ITGA10: variants seen among roughly 807,000 people sequenced by gnomAD.
The protein encoded by ITGA10 is integrin subunit alpha 10.
Under a neutral mutation model 145.2 loss-of-function variants are expected in ITGA10, and 105 were observed. The observed-to-expected ratio is 0.72, with a 90% CI of 0.62 to 0.85. The LOEUF (loss-of-function observed/expected upper bound fraction) is 0.85, where lower values mean the gene tolerates loss of function less well. Among genes scored for constraint, ITGA10 ranks in the 40% least tolerant of loss-of-function variants. The pLI is 0.00. For synonymous variants in ITGA10, 506 were observed against 557.8 expected (o/e 0.91, Z 1.31); for missense variants, 1,317 against 1,444.5 (o/e 0.91, Z 1.43).
chr1:145,909,770 A>G (rs1263430571), intron 1 of ITGA10, among the ~76,000 whole-genome samples, 193 bp downstream of exon 1: 1 of 149,992 alleles, frequency 6.7e-6, no homozygotes, highest in Non-Finnish European at 1.5e-5. Flanking sequence ...AGCCCCTGCC[A>G]GTCTCAATAT....
Position 145,901,411 on chromosome 1 carries a change from C to T in ITGA10, c.1443+105G>A. 1 of 1,484,844 alleles carries T rather than the reference C, an allele frequency of 6.7e-7. No homozygotes were observed. Among genetic ancestry groups the T allele is most frequent in the Non-Finnish European group, 9.1e-7 (1 of 1,102,042 alleles). 92.0% of individuals were successfully genotyped at this position (1,484,844 alleles called of 1,614,324 possible). ...CTGACAGACTCTGCCAACCAGAATT[C>T]CGCACAGACTTTGGAGGCCTCTCTC... On this transcript the variant is annotated intron_variant, in intron 12 of 29. Transcript: ENST00000369304. The surrounding 1 kb of genome is among the most constrained non-coding windows in gnomAD (Gnocchi z 4.3).
At position 145,897,624 on chromosome 1, in the gene ITGA10, C is replaced by T. The variant is rs587741213; in HGVS notation, c.2462G>A (p.Arg821Gln). Residue 821 changes from arginine (R) to glutamine (Q), a missense_variant, in exon 20 of 30, where the codon CGG (arginine) becomes CAG (glutamine). Arg to Gln is a conservative substitution (Grantham distance 43). Transcript: ENST00000369304. ...RKAPFVVRGG[R>Q]RKVLVSTTLE... ...AGTTGTAGATACCAGCACTTTCCGCCGGCCACCTCGAACCACAAATGGGGC... is the reference window on the plus strand; with the variant it reads ...AGTTGTAGATACCAGCACTTTCCGCTGGCCACCTCGAACCACAAATGGGGC... 18 of 1,614,102 alleles carry T rather than the reference C, an allele frequency of 1.1e-5. No individual in the cohort carries two copies. The highest frequency in any genetic ancestry group is 1.4e-5 in the Non-Finnish European group (17 of 1,179,994).
At chr1:145,895,429 CTG>C (rs782717307) in intron 26 of ITGA10, 36 bp from the exon 27 acceptor site, 7 of 1,561,542 alleles carry the variant, frequency 4.5e-6, no homozygotes, top group Non-Finnish European at 6.2e-6. Flanking sequence ...GATCAGGACT[CTG>C]GGGTAGAAAC....
chr1:145,898,934 A>T lies in ITGA10; in HGVS notation c.2232+2T>A. The T allele has an allele frequency of 6.2e-7, 1 of 1,612,800 alleles. No individual in the cohort carries two copies. The highest frequency in any genetic ancestry group is 1.1e-5 in the South Asian group (1 of 90,962). The stretch of plus-strand genomic sequence containing the variant: ...GCTAAGCAGTTACTGCCCTCTCCTT[A>T]CCAGCACATGGAAGTGTAGCTGCTC... On this transcript the variant is annotated splice_donor_variant, in intron 17 of 29. Transcript: ENST00000369304. LOFTEE classifies it high-confidence loss of function.
intron 7 of ITGA10, among the ~76,000 whole-genome samples, chr1:145,903,780 G>A (rs1055738993): frequency 4.0e-5 from 6 of 151,826 alleles, no homozygotes; most frequent in Admixed American, 6.6e-5. Flanking sequence ...TCCACCTCCC[G>A]GGATTAAGTG....
At chr1:145,902,160 T>A in intron 10 of ITGA10, 86 bp downstream of exon 10, 4 of 1,568,930 alleles carry the variant, frequency 2.5e-6, no homozygotes, top group Non-Finnish European at 2.6e-6. Context: ...TGGAGGCTGG[T>A]TAAAGGAGGA....
intron 1 of ITGA10, among the ~76,000 whole-genome samples, chr1:145,908,060 G>A (rs1489402277): frequency 2.0e-5 from 3 of 151,928 alleles, no homozygotes; most frequent in South Asian, 2.1e-4. Context: ...GTGAGCCACC[G>A]CGCCTGGCTA....
intron 15 of ITGA10, 34 bp downstream of exon 15, chr1:145,900,023 G>T: frequency 6.3e-7 from 1 of 1,598,448 alleles, no homozygotes; most frequent in Non-Finnish European, 8.5e-7. Flanking sequence ...GCTATGCTAT[G>T]CTGTCCACCA....
At position 145,906,768 on chromosome 1, in the gene ITGA10, A is replaced by G. The variant is rs782051796; in HGVS notation, c.331T>C (p.Ser111Pro). The G allele has an allele frequency of 2.5e-6, 4 of 1,613,884 alleles. No homozygotes were observed. The highest frequency in any genetic ancestry group is 1.7e-5 in the Admixed American group (1 of 60,002). ...HPAVNMHLGM[S>P]LLETDGDGGF... is the part of the protein sequence containing the mutation. ...CCATCACCATCTGTCTCTAACAGAG[A>G]CATCCCCAGGTGCATATTCACAGCA... The change falls in exon 4 of 30, where the codon TCT becomes CCT. Residue 111 changes from serine to proline, a missense_variant. By Grantham distance (74) the Ser-to-Pro change is moderately conservative (BLOSUM62 -1). Transcript: ENST00000369304.
chr1:145,908,451 C>T (rs1020957629), intron 1 of ITGA10, among the ~76,000 whole-genome samples: 12 of 152,164 alleles, frequency 7.9e-5, no homozygotes, highest in Admixed American at 3.3e-4. Flanking sequence ...AACTAATCTA[C>T]TCTCCCAACT....
At position 145,902,914 on chromosome 1, in the gene ITGA10, C is replaced by T; in HGVS notation, c.806G>A (p.Arg269Lys). 2 of 1,613,662 alleles carry T rather than the reference C, an allele frequency of 1.2e-6. No homozygotes were observed. Among genetic ancestry groups the T allele is most frequent in the Non-Finnish European group, 1.7e-6 (2 of 1,179,770 alleles). The change falls in exon 8 of 30, where the codon AGG becomes AAG. Residue 269 changes from arginine to lysine, a missense_variant. Arg to Lys is a conservative substitution (Grantham distance 26). Coordinates refer to ENST00000369304, the MANE Select transcript of ITGA10 (RefSeq NM_003637.5). ...QSHGGRPEAA[R>K]LLVVVTDGES... ...TCCATCAGTGACAACCACCAGTAGC[C>T]TGGCAGCCTCGGGTCGGCCCCCATG...
At chr1:145,906,966 T>A in intron 3 of ITGA10, 75 bp downstream of exon 3, 1 of 1,228,854 alleles carries the variant, frequency 8.1e-7, no homozygotes, top group Non-Finnish European at 1.2e-6. Context: ...GTGAAAAAGC[T>A]GAGGTATAGG....
chr1:145,894,726 C>T (rs1655145961), intron 27 of ITGA10, among the ~76,000 whole-genome samples: 1 of 152,198 alleles, frequency 6.6e-6, no homozygotes, highest in Non-Finnish European at 1.5e-5. Context: ...CTAGATCCCT[C>T]TCACCTATAC....
rs1553750501 is a variant in ITGA10 at position 145,904,714 on chromosome 1, C to T, written c.579G>A (p.Gly193=). 2 of 1,613,838 alleles carry T rather than the reference C, an allele frequency of 1.2e-6. No individual in the cohort carries two copies. Among genetic ancestry groups the T allele is most frequent in the South Asian group, 1.1e-5 (1 of 91,078 alleles). ...EVQTFLRRLV[G]KLFIDPEQIQ... is the part of the protein sequence containing the mutation. Reference sequence around the variant, plus strand: ...TCTGTTCTGGGTCAATAAACAGTTTCCCTACCAGTCTTCGTAGGAAGGTCT... The same window carrying T: ...TCTGTTCTGGGTCAATAAACAGTTTTCCTACCAGTCTTCGTAGGAAGGTCT... Residue 193 remains glycine, a synonymous_variant, in exon 6 of 30, where the codon GGG becomes GGA. Coordinates refer to ENST00000369304, the MANE Select transcript of ITGA10 (RefSeq NM_003637.5).
At position 145,901,198 on chromosome 1, in the gene ITGA10, G is replaced by A; in HGVS notation, c.1524C>T (p.Ala508=). ...DGTTDVLLVA[A]PMFLGPQNKE... The stretch of plus-strand genomic sequence containing the variant: ...TGTTCTGGGGTCCCAGGAACATGGG[G>A]GCAGCCACAAGTAAGACATCAGTTG... The change falls in exon 13 of 30, where the codon GCC becomes GCT. Residue 508 remains alanine (A), a synonymous_variant. Transcript: ENST00000369304. This position sits in a 1 kb window ranked among gnomAD's most constrained non-coding sequence, Gnocchi z 4.3. 1 of 1,613,974 alleles carries A rather than the reference G, an allele frequency of 6.2e-7. No individual in the cohort carries two copies. Among genetic ancestry groups the A allele is most frequent in the South Asian group, 1.1e-5 (1 of 91,070 alleles).
intron 1 of ITGA10, among the ~76,000 whole-genome samples, chr1:145,909,730 C>A (rs1657649855): frequency 6.9e-6 from 1 of 144,514 alleles, no homozygotes; most frequent in Non-Finnish European, 1.5e-5. Context: ...TTATTAGATA[C>A]AAATCTTACA....
At chr1:145,898,293 A>T (rs1359854775) in intron 17 of ITGA10, 70 bp from the exon 18 acceptor site, 1 of 973,344 alleles carries the variant, frequency 1.0e-6, no homozygotes, top group Admixed American at 1.8e-5. Flanking sequence ...TCATTTATGA[A>T]GCATTTTCTG....
chr1:145,907,501 G>A, intron 1 of ITGA10, 36 bp from the exon 2 acceptor site: 1 of 1,612,958 alleles, frequency 6.2e-7, no homozygotes, highest in South Asian at 1.1e-5. Context: ...GTATGAGGTA[G>A]TGAATGGCTA....
chr1:145,908,084 C>T (rs2101839512), intron 1 of ITGA10, among the ~76,000 whole-genome samples: 1 of 152,192 alleles, frequency 6.6e-6, no homozygotes, highest in African/African-American at 2.4e-5. Flanking sequence ...TTTTCCACAA[C>T]ATTCCTTCCA....
Sources: allele counts gnomAD v4.1 joint callset (sites outside exome capture counted in the v4.1 genomes callset), GRCh38; gene constraint gnomAD v4.1.1; non-coding constraint Gnocchi (gnomAD v3.1); transcripts MANE v1.5; gene names NCBI Gene and HGNC (gene_info 2026-07-23, HGNC 2026-07-21).